The following DCAF6 variants were observed in gnomAD, a reference collection of about 807,000 sequenced individuals.
DCAF6 encodes DDB1 and CUL4 associated factor 6.
DCAF6 carries 54 observed loss-of-function variants against 125.1 expected under a neutral mutation model. That is an observed-to-expected ratio of 0.43 (90% CI 0.35 to 0.54). The LOEUF is 0.54. Ranked by LOEUF, DCAF6 falls within the 20% of genes least tolerant of loss-of-function variation. The pLI, the probability that DCAF6 is intolerant of heterozygous loss-of-function variation, is 0.01. For synonymous variants in DCAF6, 371 were observed against 390.4 expected (o/e 0.95, Z 0.58); for missense variants, 934 against 1,161.7 (o/e 0.80, Z 2.85).
chr1:167,933,130 C>T (rs1273635375), upstream of DCAF6, among the ~76,000 whole-genome samples: 3 of 151,152 alleles, frequency 2.0e-5, no homozygotes, highest in African/African-American at 4.9e-5. Context: ...AGATGCAATA[C>T]TGTAACTAAA....
At chr1:167,891,831 C>T in the DCAF6 span, among the ~76,000 whole-genome samples, 9 of 152,088 alleles carry the variant, frequency 5.9e-5, no homozygotes, top group Admixed American at 5.9e-4. Flanking sequence ...AACACATTTT[C>T]TAGATTAAAG....
the DCAF6 span, chr1:167,902,010 C>T: frequency 7.4e-6 from 12 of 1,613,820 alleles, no homozygotes; most frequent in Non-Finnish European, 9.3e-6. Context: ...TAGTAAGCCC[C>T]CATACCTGCA....
chr1:167,987,532 C>A lies in DCAF6; in HGVS notation c.476C>A (p.Ser159Tyr), dbSNP rs778626476. The change falls in exon 5 of 22, where the codon TCT (serine) becomes TAT (tyrosine). Residue 159 changes from serine (S) to tyrosine (Y), a missense_variant. This residue lies in a region of DCAF6 where 309 missense variants were observed against 381.2 expected (regional missense o/e 0.81). Coordinates refer to ENST00000367840, the MANE Select transcript of DCAF6 (RefSeq NM_001198956.2). ...CCCAATGACCCTTACACTTTTCTCT[C>A]TTGTGGTGAAGATGGAACTGTTAGG... ...TVPNDPYTFL[S>Y]CGEDGTVRWF... 6.2e-7 allele frequency: 1 copy of A among 1,606,104 alleles called. No individual in the cohort carries two copies. The highest frequency in any genetic ancestry group is 8.5e-7 in the Non-Finnish European group (1 of 1,174,634).
chr1:168,000,505 C>G (rs1416343896), intron 7 of DCAF6, among the ~76,000 whole-genome samples: 1 of 152,104 alleles, frequency 6.6e-6, no homozygotes, highest in East Asian at 1.9e-4. Context: ...TTGGGTAGTT[C>G]TCCTGTATAC....
At position 168,063,624 on chromosome 1, in the gene DCAF6, C is replaced by T. The variant is rs1251649308; in HGVS notation, c.2304C>T (p.Arg768=). 1.3e-6 allele frequency: 2 copies of T among 1,563,988 alleles called. No individual in the cohort carries two copies. Among genetic ancestry groups the T allele is most frequent in the South Asian group, 2.5e-5 (2 of 80,996 alleles). ...GTTIGDRIMR[R]SAVARIQEFF... ...TTTTAATATGTAATTCATATAGACG[C>T]TCTGCTGTTGCCCGTATTCAGGAGT... The change falls in exon 18 of 22, where the codon CGC becomes CGT. Residue 768 remains arginine (R), a synonymous_variant. Coordinates refer to ENST00000367840, the MANE Select transcript of DCAF6 (RefSeq NM_001198956.2).
chr1:167,872,969 C>G, the DCAF6 span, among the ~76,000 whole-genome samples: 1 of 151,728 alleles, frequency 6.6e-6, no homozygotes, highest in African/African-American at 2.4e-5. Context: ...ACTTGGGAAG[C>G]TGAGGCAGAA....
At chr1:167,945,514 C>T (rs772974103) in intron 1 of DCAF6, among the ~76,000 whole-genome samples, 4 of 151,814 alleles carry the variant, frequency 2.6e-5, no homozygotes, top group Non-Finnish European at 4.4e-5. Context: ...TTTTTTGAGA[C>T]GGAGTCTCAC....
chr1:167,991,756 A>G (rs1239197111), intron 6 of DCAF6, among the ~76,000 whole-genome samples: 1 of 152,086 alleles, frequency 6.6e-6, no homozygotes, highest in Non-Finnish European at 1.5e-5. Context: ...GGTATAGATG[A>G]ATCACTCTTA....
At chr1:167,977,331 T>C (rs1198190942) in intron 4 of DCAF6, among the ~76,000 whole-genome samples, 2 of 152,086 alleles carry the variant, frequency 1.3e-5, no homozygotes, top group Admixed American at 6.5e-5. Context: ...GTCTTTTTTT[T>C]TTAAATGCCA....
the DCAF6 span, among the ~76,000 whole-genome samples, chr1:167,892,939 A>G: frequency 2.6e-5 from 4 of 152,350 alleles, no homozygotes; most frequent in South Asian, 8.3e-4. Context: ...TCTGGGTCTC[A>G]GTTTTCTCAT....
upstream of DCAF6, among the ~76,000 whole-genome samples, chr1:167,932,183 A>C (rs925276986): frequency 1.3e-5 from 2 of 152,216 alleles, no homozygotes; most frequent in African/African-American, 2.4e-5. Context: ...GACTCTTTAG[A>C]GCTGTGGTCT....
intron 20 of DCAF6, among the ~76,000 whole-genome samples, chr1:168,068,091 T>C (rs1264295872): frequency 6.6e-6 from 1 of 152,202 alleles, no homozygotes; most frequent in Non-Finnish European, 1.5e-5. Flanking sequence ...TAAATTAAAT[T>C]CTTAAATGTT....
chr1:168,056,199 G>T (rs1442390178), intron 17 of DCAF6: 3 of 1,612,098 alleles, frequency 1.9e-6, no homozygotes, highest in Non-Finnish European at 2.5e-6. Context: ...CGCTTCCTGT[G>T]CAAAATTGCT....
the DCAF6 span, among the ~76,000 whole-genome samples, chr1:167,893,695 CAAAAAAAAAAAAAAA>C: frequency 7.1e-5 from 5 of 70,190 alleles, no homozygotes; most frequent in African/African-American, 2.5e-4. Context: ...GACTCTGTCT[CAAAAAAAAAAAAAAA>C]AAAAAAAAAG....
intron 1 of DCAF6, among the ~76,000 whole-genome samples, chr1:167,945,577 C>T (rs190427767): frequency 5.9e-5 from 9 of 151,966 alleles, no homozygotes; most frequent in Non-Finnish European, 8.8e-5. Context: ...CTACAACCTC[C>T]GGCTCCCAGG....
At chr1:167,996,976 T>C (rs1386136748) in intron 7 of DCAF6, among the ~76,000 whole-genome samples, 1 of 152,180 alleles carries the variant, frequency 6.6e-6, no homozygotes, top group African/African-American at 2.4e-5. Context: ...ACTTTCTATG[T>C]ATATTTTGCT....
At chr1:167,890,992 C>T in the DCAF6 span, among the ~76,000 whole-genome samples, 3 of 152,218 alleles carry the variant, frequency 2.0e-5, no homozygotes, top group South Asian at 2.1e-4. Flanking sequence ...GACAGAGTCT[C>T]GCTCTGTCAC....
intron 12 of DCAF6, among the ~76,000 whole-genome samples, chr1:168,030,612 A>G (rs1686956730): frequency 6.6e-6 from 1 of 152,188 alleles, no homozygotes. Context: ...TTCAAGAAAT[A>G]TTTAAGATGT....
chr1:167,972,389 CA>C (rs1225733198), intron 3 of DCAF6, among the ~76,000 whole-genome samples: 2 of 152,132 alleles, frequency 1.3e-5, no homozygotes, highest in Non-Finnish European at 2.9e-5. Context: ...AAATGAAGTT[CA>C]AATGATAGGA....
Sources: gnomAD v4.1 joint callset for allele counts (sites outside exome capture counted in the v4.1 genomes callset) on GRCh38, gnomAD v4.1.1 for gene constraint, gnomAD v4.1.1 regional missense constraint, MANE v1.5 for transcripts, NCBI Gene and HGNC (gene_info 2026-07-23, HGNC 2026-07-21) for gene names.